The following ST6GALNAC3 variants were observed in gnomAD, a reference collection of about 807,000 sequenced individuals.
ST6GALNAC3 encodes ST6 N-acetylgalactosaminide alpha-2,6-sialyltransferase 3, also known as alpha-N-acetylgalactosaminide alpha-2,6-sialyltransferase 3.
In ST6GALNAC3, 25 loss-of-function variants were observed where a neutral mutation model predicts 32.7. That is an observed-to-expected ratio of 0.76 (90% confidence interval 0.56 to 1.07). The LOEUF is 1.07. ST6GALNAC3 is among the 50% of genes least tolerant of loss of function. The pLI is 0.00. For synonymous variants in ST6GALNAC3, 129 were observed against 133.1 expected (o/e 0.97, Z 0.21); for missense variants, 355 against 382.4 (o/e 0.93, Z 0.60).
chr1:76,132,751 C>A (rs778450254), intron 1 of ST6GALNAC3, among the ~76,000 whole-genome samples: 8 of 152,162 alleles, frequency 5.3e-5, no homozygotes, highest in Non-Finnish European at 1.2e-4. Context: ...TCATTGTCAT[C>A]CCAGGGACAG....
At chr1:76,184,444 C>A (rs1266190377) in intron 1 of ST6GALNAC3, among the ~76,000 whole-genome samples, 1 of 150,928 alleles carries the variant, frequency 6.6e-6, no homozygotes, top group African/African-American at 2.4e-5. Flanking sequence ...GAGGCCGAGG[C>A]AGGAGAATTG....
chr1:76,593,818 G>A (rs1178357935), intron 3 of ST6GALNAC3, among the ~76,000 whole-genome samples: 1 of 152,162 alleles, frequency 6.6e-6, no homozygotes, highest in Admixed American at 6.5e-5. Flanking sequence ...ACACAGGCCT[G>A]TAAACAAATG....
chr1:76,624,834 T>C (rs1648864623), intron 3 of ST6GALNAC3, among the ~76,000 whole-genome samples: 1 of 151,944 alleles, frequency 6.6e-6, no homozygotes, highest in South Asian at 2.1e-4. Flanking sequence ...CCAGCTTATA[T>C]TTTTATATAT....
chr1:76,338,082 A>G (rs1647655129), intron 2 of ST6GALNAC3, among the ~76,000 whole-genome samples: 1 of 152,168 alleles, frequency 6.6e-6, no homozygotes, highest in South Asian at 2.1e-4. Context: ...CAGTATGCTA[A>G]TGAAGGAGCA....
At chr1:76,548,795 C>T (rs1217976719) in intron 3 of ST6GALNAC3, among the ~76,000 whole-genome samples, 1 of 152,182 alleles carries the variant, frequency 6.6e-6, no homozygotes, top group African/African-American at 2.4e-5. Flanking sequence ...CATTTACCCT[C>T]AGTCATGGTT....
chr1:76,473,716 T>G (rs1333882108), intron 3 of ST6GALNAC3, among the ~76,000 whole-genome samples: 3 of 152,132 alleles, frequency 2.0e-5, no homozygotes, highest in South Asian at 2.1e-4. Context: ...TTTTATCTTG[T>G]GATGATCAGA....
intron 2 of ST6GALNAC3, chr1:76,353,950 A>T: frequency 5.4e-6 from 1 of 184,674 alleles, no homozygotes; most frequent in Non-Finnish European, 1.2e-5. Flanking sequence ...GATTCTAAAC[A>T]GCACACCCTT....
intron 1 of ST6GALNAC3, among the ~76,000 whole-genome samples, chr1:76,184,276 C>T (rs1240469777): frequency 6.6e-6 from 1 of 152,068 alleles, no homozygotes; most frequent in Non-Finnish European, 1.5e-5. Context: ...CAGTGGCTCA[C>T]GCCTGTAATC....
In ST6GALNAC3 at chr1:76,176,566, C is replaced by T. The variant is rs569600134; in HGVS notation, c.18+101682C>T. On this transcript the variant is annotated intron_variant, in intron 1 of 4. Transcript: ENST00000328299. The stretch of plus-strand genomic sequence containing the variant: ...AAATAGTTAATTATTGATTGATCAC[C>T]CACCAGCATTAGCTTATAGATACAC... Among the ~76,000 whole-genome samples the T allele has an allele frequency of 2.0e-5, 3 of 152,220 alleles. No homozygotes were observed. In the South Asian group the frequency reaches 6.2e-4, roughly 32 times the overall value.
At chr1:76,549,576 A>T (rs1298264771) in intron 3 of ST6GALNAC3, among the ~76,000 whole-genome samples, 1 of 151,690 alleles carries the variant, frequency 6.6e-6, no homozygotes, top group Non-Finnish European at 1.5e-5. Context: ...TTATTTTTCC[A>T]TTTTTCTGTT....
intron 1 of ST6GALNAC3, among the ~76,000 whole-genome samples, chr1:76,221,428 A>T (rs1188257259): frequency 6.6e-6 from 1 of 152,104 alleles, no homozygotes; most frequent in Non-Finnish European, 1.5e-5. Context: ...CACGACATGG[A>T]TCTGGTTGTG....
chr1:76,572,170 G>C (rs1445885610), intron 3 of ST6GALNAC3, among the ~76,000 whole-genome samples: 1 of 151,760 alleles, frequency 6.6e-6, no homozygotes, highest in African/African-American at 2.4e-5. Context: ...GGAATGATTG[G>C]CTTTATATTC....
chr1:76,342,878 G>A (rs1648171155), intron 2 of ST6GALNAC3, among the ~76,000 whole-genome samples: 4 of 152,056 alleles, frequency 2.6e-5, no homozygotes, highest in South Asian at 4.2e-4. Context: ...CTTGTTTTGA[G>A]AAGTGTCTGT....
chr1:76,561,760 C>T (rs532541333), intron 3 of ST6GALNAC3, among the ~76,000 whole-genome samples: 1 of 152,238 alleles, frequency 6.6e-6, no homozygotes, highest in African/African-American at 2.4e-5. Flanking sequence ...TCAGTAATTT[C>T]ACTCTGAGAA....
chr1:76,299,774 A>G (rs1660620837), intron 1 of ST6GALNAC3, among the ~76,000 whole-genome samples: 1 of 151,608 alleles, frequency 6.6e-6, no homozygotes, highest in African/African-American at 2.4e-5. Flanking sequence ...AAATCTGAAT[A>G]TTTTGCTTAT....
chr1:76,548,301 T>C (rs1570219767), intron 3 of ST6GALNAC3, among the ~76,000 whole-genome samples: 1 of 152,102 alleles, frequency 6.6e-6, no homozygotes, highest in East Asian at 1.9e-4. Context: ...TGGCTGCAAA[T>C]AAGAGGAAAC....
At position 76,378,751 on chromosome 1, in the gene ST6GALNAC3, A is replaced by T. The variant is rs558133494; in HGVS notation, c.214-33257A>T. ...GTATGATGGCGCTTCACACATGCAG[A>T]ATGGTCATCTTAGGCTATTGTAACC... On this transcript the variant is annotated intron_variant, in intron 2 of 4. Transcript: ENST00000328299. Among the ~76,000 whole-genome samples the T allele has an allele frequency of 1.5e-4, 23 of 152,248 alleles. No homozygotes were observed. The South Asian group carries it at 4.8e-3, about 32-fold the overall frequency.
At chr1:76,453,088 G>C (rs1440626572) in intron 3 of ST6GALNAC3, among the ~76,000 whole-genome samples, 3 of 152,084 alleles carry the variant, frequency 2.0e-5, no homozygotes, top group Non-Finnish European at 4.4e-5. Flanking sequence ...TGGTAGCCTT[G>C]AATTATCTTT....
chr1:76,609,567 T>G (rs1008324727), intron 3 of ST6GALNAC3, among the ~76,000 whole-genome samples: 3 of 152,160 alleles, frequency 2.0e-5, no homozygotes, highest in African/African-American at 7.2e-5. Context: ...TATTAAGATG[T>G]TTTTTAGAGA....
Sources: gnomAD v4.1 joint callset for allele counts (sites outside exome capture counted in the v4.1 genomes callset) on GRCh38, gnomAD v4.1.1 for gene constraint, MANE v1.5 for transcripts, NCBI Gene and HGNC (gene_info 2026-07-23, HGNC 2026-07-21) for gene names.